Variants in SHTN1 observed in about 807,000 individuals in gnomAD.
The protein encoded by SHTN1 is shootin-1.
In SHTN1, 42 loss-of-function variants were observed where a neutral mutation model predicts 83.1. The observed-to-expected ratio is 0.51, with a 90% confidence interval of 0.39 to 0.65. The LOEUF (loss-of-function observed/expected upper bound fraction) is 0.65. SHTN1 is among the 30% of genes least tolerant of loss of function. The pLI, the probability that SHTN1 is intolerant of heterozygous loss-of-function variation, is 0.00. For synonymous variants in SHTN1, 224 were observed against 247.7 expected (o/e 0.90, Z 0.90); for missense variants, 622 against 737.8 (o/e 0.84, Z 1.82).
chr10:116,886,881 C>G (rs1212894627), intron 16 of SHTN1, among the ~76,000 whole-genome samples: 1 of 152,228 alleles, frequency 6.6e-6, no homozygotes, highest in Admixed American at 6.5e-5. Flanking sequence ...CATGGACAAA[C>G]TGTGAACTTC....
At chr10:116,987,003 A>G (rs978837527) in intron 1 of SHTN1, among the ~76,000 whole-genome samples, 29 of 152,086 alleles carry the variant, frequency 1.9e-4, no homozygotes, top group Admixed American at 6.5e-5. Flanking sequence ...CTGGGATTAC[A>G]GGTGTGAACC....
At position 117,084,805 on chromosome 10, in the gene SHTN1, GCCGT is replaced by G. The variant is rs1443221285; in HGVS notation, c.-188-36299_-188-36296del. On this transcript the variant is annotated intron_variant, in intron 1 of 17. Coordinates refer to the SHTN1 transcript ENST00000392901. ...GTGGGAGTGACCCGATTTTCCAGGT[GCCGT>G]CCGTCACCCCTTTCTTTGATTAGGA... Among the ~76,000 whole-genome samples the G allele has an allele frequency of 3.3e-5, 5 of 152,288 alleles. No individual in the cohort carries two copies. In the East Asian group the frequency reaches 9.7e-4, roughly 29 times the overall value.
intron 3 of SHTN1, among the ~76,000 whole-genome samples, chr10:116,960,607 C>G (rs998843730): frequency 7.2e-5 from 11 of 152,038 alleles, no homozygotes; most frequent in African/African-American, 2.7e-4. Flanking sequence ...ACTTCTTTTT[C>G]TCAGCAGTGT....
chr10:117,060,436 G>A (rs974152397), intron 1 of SHTN1, among the ~76,000 whole-genome samples: 7 of 152,080 alleles, frequency 4.6e-5, no homozygotes, highest in African/African-American at 1.4e-4. Context: ...GGTGTACCGA[G>A]CCAAACAGTT....
At chr10:116,902,669 C>G (rs1170683079) in intron 15 of SHTN1, among the ~76,000 whole-genome samples, 1 of 152,224 alleles carries the variant, frequency 6.6e-6, no homozygotes, top group African/African-American at 2.4e-5. Flanking sequence ...CTATCCTAGT[C>G]AGTTTTTCTC....
chr10:116,945,756 T>A (rs1849550310), intron 7 of SHTN1, among the ~76,000 whole-genome samples: 1 of 152,220 alleles, frequency 6.6e-6, no homozygotes, highest in Non-Finnish European at 1.5e-5. Context: ...CTTGGACATG[T>A]GCACCAGATG....
At chr10:116,952,057 G>A in intron 5 of SHTN1, 51 bp from the exon 6 acceptor site, 4 of 934,916 alleles carry the variant, frequency 4.3e-6, no homozygotes, top group Non-Finnish European at 6.1e-6. Context: ...TTTAAAATAA[G>A]AAATCAATCT....
chr10:116,960,253 A>G, intron 3 of SHTN1, 23 bp from the exon 4 acceptor site: 2 of 1,326,830 alleles, frequency 1.5e-6, no homozygotes, highest in East Asian at 2.3e-5. Context: ...GGGAAAAAAA[A>G]TCTCAGCATT....
intron 12 of SHTN1, among the ~76,000 whole-genome samples, chr10:116,919,227 A>T (rs1480311976): frequency 6.6e-6 from 1 of 152,230 alleles, no homozygotes. Flanking sequence ...TGTTCACTCA[A>T]CAACTATTTT....
At chr10:116,931,127 A>G (rs1333232468) in intron 9 of SHTN1, among the ~76,000 whole-genome samples, 1 of 93,752 alleles carries the variant, frequency 1.1e-5, no homozygotes, top group African/African-American at 3.5e-5. Context: ...ATAAGTATCA[A>G]AAGTCTTCAA....
intron 10 of SHTN1, among the ~76,000 whole-genome samples, 159 bp downstream of exon 10, chr10:116,929,690 A>G (rs1035061759): frequency 6.6e-6 from 1 of 152,192 alleles, no homozygotes; most frequent in African/African-American, 2.4e-5. Flanking sequence ...ATTCTACTGA[A>G]TTGCAATGGT....
At chr10:117,053,816 C>T (rs1197598436) in intron 1 of SHTN1, among the ~76,000 whole-genome samples, 3 of 152,268 alleles carry the variant, frequency 2.0e-5, no homozygotes, top group Non-Finnish European at 4.4e-5. Context: ...TTCATAGCAG[C>T]ACTATTCACA....
chr10:117,105,321 TATATA>T (rs1189264624), intron 1 of SHTN1, among the ~76,000 whole-genome samples: 1 of 152,252 alleles, frequency 6.6e-6, no homozygotes, highest in Admixed American at 6.5e-5. Context: ...AAGCAAATGC[TATATA>T]ATAATTATAT....
At chr10:116,892,797 T>C (rs529454151) in intron 16 of SHTN1, among the ~76,000 whole-genome samples, 6 of 152,332 alleles carry the variant, frequency 3.9e-5, no homozygotes, top group African/African-American at 1.4e-4. Context: ...ATTTGAGTTT[T>C]AGCTTCTTCT....
chr10:116,953,460 T>C (rs1226165080), intron 5 of SHTN1, among the ~76,000 whole-genome samples: 1 of 152,102 alleles, frequency 6.6e-6, no homozygotes, highest in Non-Finnish European at 1.5e-5. Flanking sequence ...TAAAGCACAA[T>C]TGTTATATAC....
At position 117,026,406 on chromosome 10, in the gene SHTN1, G is replaced by T. The variant is rs1398815994; in HGVS notation, c.-123+22039C>A. ...GTACCAGCTCAGCCACAGTACAATA[G>T]AAATCCAGATAGACTTCTTTTTTTT... is the stretch of plus-strand genomic sequence containing the variant. On this transcript the variant is annotated intron_variant, in intron 2 of 17. Coordinates refer to the SHTN1 transcript ENST00000392901. Among the ~76,000 whole-genome samples, 4 of 145,104 alleles carry T rather than the reference G, an allele frequency of 2.8e-5. No individual in the cohort carries two copies. The East Asian group carries it at 8.3e-4, about 30-fold the overall frequency.
At chr10:116,957,633 G>A (rs1380938906) in intron 4 of SHTN1, among the ~76,000 whole-genome samples, 1 of 152,100 alleles carries the variant, frequency 6.6e-6, no homozygotes, top group African/African-American at 2.4e-5. Flanking sequence ...ATATTGTCCA[G>A]TTTAGTGGCT....
intron 1 of SHTN1, among the ~76,000 whole-genome samples, chr10:116,981,044 C>T (rs1236609528): frequency 6.6e-6 from 1 of 152,214 alleles, no homozygotes; most frequent in South Asian, 2.1e-4. Context: ...ACAGGCTGGG[C>T]GTGGTGGCTC....
intron 1 of SHTN1, among the ~76,000 whole-genome samples, chr10:117,124,663 C>T (rs2133650727): frequency 6.6e-6 from 1 of 152,262 alleles, no homozygotes; most frequent in African/African-American, 2.4e-5. Context: ...ATCCCAGCTA[C>T]TCAGGAGGCT....
Sources: allele counts gnomAD v4.1 joint callset (sites outside exome capture counted in the v4.1 genomes callset), GRCh38; gene constraint gnomAD v4.1.1; transcripts MANE v1.5; gene names NCBI Gene and HGNC (gene_info 2026-07-23, HGNC 2026-07-21).